Variants in FRAS1 observed in about 807,000 individuals in gnomAD.
The protein encoded by FRAS1 is Fraser extracellular matrix complex subunit 1, also known as extracellular matrix organizing protein FRAS1.
In FRAS1, 290 loss-of-function variants were observed where a neutral mutation model predicts 435.2. The ratio of observed to expected loss-of-function variants is 0.67; its 90% CI spans 0.61 to 0.73. FRAS1 has a LOEUF of 0.73. Among genes scored for constraint, FRAS1 ranks in the 30% least tolerant of loss-of-function variants. The probability of loss-of-function intolerance (pLI) is 0.00; values close to 1 mark genes in which losing one functional copy is unlikely to be tolerated. For missense variants in FRAS1, 4,860 were observed against 5,001.5 expected (o/e 0.97, Z 0.85); for synonymous variants, 1,800 against 1,851.0 (o/e 0.97, Z 0.71).
intron 2 of FRAS1, chr4:78,181,664 G>C: frequency 1.9e-6 from 3 of 1,609,494 alleles, no homozygotes; most frequent in Non-Finnish European, 1.7e-6. Context: ...TTGCCTTTCT[G>C]GTCTTCTATC....
In FRAS1 at chr4:78,522,583, C is replaced by A. The variant is rs1399009418; in HGVS notation, c.10649-66C>A. The A allele has an allele frequency of 4.5e-6, 6 of 1,345,844 alleles. No individual in the cohort carries two copies. In the African/African-American group the frequency reaches 8.8e-5, roughly 20 times the overall value. The allele number at this position is 1,345,844 out of a possible 1,614,324, so 83.4% of individuals were successfully genotyped here. ...GTTCTCAGGCTTTTGTGGGGCTCTACCAGGTACAGTCAAACTAAAGCTCTA... is the reference window on the plus strand; with the variant it reads ...GTTCTCAGGCTTTTGTGGGGCTCTAACAGGTACAGTCAAACTAAAGCTCTA... On this transcript the variant is annotated intron_variant, in intron 68 of 73. Coordinates refer to ENST00000512123, the MANE Select transcript of FRAS1 (RefSeq NM_025074.7).
chr4:78,122,828 CT>C (rs1719108129), intron 2 of FRAS1, among the ~76,000 whole-genome samples: 1 of 151,742 alleles, frequency 6.6e-6, no homozygotes, highest in Non-Finnish European at 1.5e-5. Flanking sequence ...GAGTTGTTTG[CT>C]TTTTTCTTGT....
chr4:78,068,044 TGA>T (rs1740140364), intron 2 of FRAS1, among the ~76,000 whole-genome samples: 1 of 151,948 alleles, frequency 6.6e-6, no homozygotes, highest in African/African-American at 2.4e-5. Flanking sequence ...CAATTCAGTC[TGA>T]GAGACAATAT....
At chr4:78,207,935 C>T (rs1244337481) in intron 2 of FRAS1, among the ~76,000 whole-genome samples, 2 of 152,154 alleles carry the variant, frequency 1.3e-5, no homozygotes, top group African/African-American at 4.8e-5. Context: ...ACAGACAGAG[C>T]AGTGTGTGGA....
chr4:78,340,298 A>G (rs1730346881), intron 20 of FRAS1, among the ~76,000 whole-genome samples: 1 of 152,192 alleles, frequency 6.6e-6, no homozygotes, highest in Non-Finnish European at 1.5e-5. Flanking sequence ...AAATGAGGTA[A>G]CCATTGTCTG....
At chr4:78,369,307 T>A (rs1158552156) in intron 22 of FRAS1, among the ~76,000 whole-genome samples, 1 of 152,162 alleles carries the variant, frequency 6.6e-6, no homozygotes, top group Non-Finnish European at 1.5e-5. Context: ...GATTGGGGGA[T>A]CATCCCTGAA....
chr4:78,190,441 T>C (rs1278349877), intron 2 of FRAS1, among the ~76,000 whole-genome samples: 2 of 152,038 alleles, frequency 1.3e-5, no homozygotes, highest in Non-Finnish European at 2.9e-5. Context: ...ATTTCCCCCA[T>C]TCACTGCTTT....
At chr4:78,286,907 A>G (rs138641433) in intron 14 of FRAS1, among the ~76,000 whole-genome samples, 126 of 152,264 alleles carry the variant, frequency 8.3e-4, no homozygotes, top group African/African-American at 2.9e-3. Context: ...CATTTTTTCA[A>G]TAGAGATTAT....
At chr4:78,342,854 T>G (rs1222496575) in intron 20 of FRAS1, among the ~76,000 whole-genome samples, 2 of 151,974 alleles carry the variant, frequency 1.3e-5, no homozygotes, top group Non-Finnish European at 2.9e-5. Flanking sequence ...ATTAAAATAG[T>G]TTTTTTTGGG....
chr4:78,377,768 G>A (rs960548457), intron 26 of FRAS1, among the ~76,000 whole-genome samples: 2 of 152,092 alleles, frequency 1.3e-5, no homozygotes, highest in Non-Finnish European at 2.9e-5. Flanking sequence ...TAGGACTGTG[G>A]TTCTCAAAGC....
chr4:78,399,864 C>G (rs1732813167), intron 29 of FRAS1, among the ~76,000 whole-genome samples: 1 of 152,192 alleles, frequency 6.6e-6, no homozygotes, highest in Admixed American at 6.5e-5. Context: ...GCCATTGGAG[C>G]CTGTCTTTCT....
intron 2 of FRAS1, among the ~76,000 whole-genome samples, chr4:78,154,812 C>T (rs1720814736): frequency 6.6e-6 from 1 of 152,162 alleles, no homozygotes; most frequent in South Asian, 2.1e-4. Context: ...TTAGTATGCG[C>T]AGTTCCATGT....
chr4:78,326,416 G>A (rs1451196552), intron 18 of FRAS1, among the ~76,000 whole-genome samples: 3 of 152,194 alleles, frequency 2.0e-5, no homozygotes, highest in Non-Finnish European at 4.4e-5. Context: ...AAGTGAGATA[G>A]GGAATAGAAA....
At chr4:78,172,063 T>A (rs368491159) in intron 2 of FRAS1, among the ~76,000 whole-genome samples, 1 of 152,086 alleles carries the variant, frequency 6.6e-6, no homozygotes, top group East Asian at 1.9e-4. Flanking sequence ...GACCTCTCAT[T>A]TAGGTGATCT....
chr4:78,286,122 AATCTCCC>A (rs1727584989), intron 13 of FRAS1: 1 of 497,094 alleles, frequency 2.0e-6, no homozygotes, highest in East Asian at 4.5e-5. Context: ...CAAGTTGTTT[AATCTCCC>A]TGAGTCTGTT....
At chr4:78,158,789 C>T (rs1189931873) in intron 2 of FRAS1, among the ~76,000 whole-genome samples, 2 of 152,164 alleles carry the variant, frequency 1.3e-5, no homozygotes, top group Non-Finnish European at 1.5e-5. Flanking sequence ...GACCTCTTTA[C>T]CCAAAGTAGG....
rs73828000 is a variant in FRAS1, at chr4:78,379,842, G to A, written c.3409G>A (p.Asp1137Asn). Residue 1137 changes from aspartate to asparagine, a missense_variant, in exon 27 of 74, where the codon GAT (aspartate) becomes AAT (asparagine). Transcript: ENST00000512123. ...NVQDQEGRVE[D>N]LLFHVVSTPT... ...CCAAGACCAGGAGGGTAGGGTCGAA[G>A]ATCTCCTATTTCATGTTGTGAGCAC... The A allele has an allele frequency of 1.4e-3, 2,324 of 1,613,884 alleles. 26 individuals carry two copies. The African/African-American group carries it at 0.027, about 19-fold the overall frequency.
intron 2 of FRAS1, among the ~76,000 whole-genome samples, chr4:78,145,295 TA>T (rs1720370467): frequency 6.6e-6 from 1 of 152,048 alleles, no homozygotes; most frequent in Non-Finnish European, 1.5e-5. Flanking sequence ...GTGATTGGAG[TA>T]AGGGTGTTTA....
At chr4:78,504,097 CTGT>C (rs1720760319) in intron 61 of FRAS1, among the ~76,000 whole-genome samples, 2 of 152,168 alleles carry the variant, frequency 1.3e-5, no homozygotes, top group African/African-American at 4.8e-5. Context: ...GTTGTGATTT[CTGT>C]TCTTTTCCAT....
Sources: allele counts gnomAD v4.1 joint callset (sites outside exome capture counted in the v4.1 genomes callset), GRCh38; gene constraint gnomAD v4.1.1; transcripts MANE v1.5; gene names NCBI Gene and HGNC (gene_info 2026-07-23, HGNC 2026-07-21).